B3GALNT1: variants seen among roughly 807,000 people sequenced by gnomAD.
The protein encoded by B3GALNT1 is beta-1,3-N-acetylgalactosaminyltransferase 1 (Globoside blood group).
A neutral mutation model predicts 27.3 loss-of-function variants in B3GALNT1; 17 were observed. That is an observed-to-expected ratio of 0.62 (90% CI 0.43 to 0.94). The LOEUF is 0.94. Ranked by LOEUF, B3GALNT1 falls within the 40% of genes least tolerant of loss-of-function variation. B3GALNT1 has a pLI of 0.00. For missense variants in B3GALNT1, 347 were observed against 390.0 expected (o/e 0.89, Z 0.93); for synonymous variants, 141 against 144.0 (o/e 0.98, Z 0.15).
At position 161,104,351 on chromosome 3, in the gene B3GALNT1, A is replaced by T. The variant is rs906049971; in HGVS notation, c.-253T>A. 1 of 1,289,626 alleles carries T rather than the reference A, an allele frequency of 7.8e-7. No individual in the cohort carries two copies. The highest frequency in any genetic ancestry group is 1.5e-5 in the African/African-American group (1 of 65,842). The allele number at this position is 1,289,626 out of a possible 1,614,324, so 79.9% of individuals were successfully genotyped here. A position where few individuals can be genotyped will look rare whatever the true frequency, so the allele number is the denominator to read the frequency against. On this transcript the variant is annotated 5_prime_UTR_variant, in exon 2 of 5. Transcript: ENST00000320474. ...AACAGAAAAAAAGACATGGTTTGGC[A>T]ATTTCTTCCTTGATAGCTTTTCCCA...
intron 4 of B3GALNT1, among the ~76,000 whole-genome samples, chr3:161,092,326 G>A (rs1015197762): frequency 6.6e-5 from 10 of 152,176 alleles, no homozygotes; most frequent in Admixed American, 3.9e-4. Context: ...GAAATAAAAC[G>A]TTGAGTATAA....
intron 4 of B3GALNT1, among the ~76,000 whole-genome samples, chr3:161,092,141 T>G (rs1725453176): frequency 6.6e-6 from 1 of 152,074 alleles, no homozygotes; most frequent in South Asian, 2.1e-4. Flanking sequence ...CTAATCAAAT[T>G]TTACAAGAAA....
In B3GALNT1 at chr3:161,086,288, G is replaced by T; in HGVS notation, c.467C>A (p.Thr156Asn). ...QDFLDTYNNL[T>N]LKTIMAFRWV... ...CCTGAATGCCATAATGGTTTTCAAG[G>T]TCAGGTTATTATATGTGTCTAAAAA... Residue 156 changes from threonine (T) to asparagine (N), a missense_variant, in exon 5 of 5, where the codon ACC becomes AAC. Coordinates refer to ENST00000320474, the MANE Select transcript of B3GALNT1 (RefSeq NM_003781.4). 6.2e-7 allele frequency: 1 copy of T among 1,614,114 alleles called. No homozygotes were observed. The highest frequency in any genetic ancestry group is 8.5e-7 in the Non-Finnish European group (1 of 1,180,024).
intron 2 of B3GALNT1, 53 bp from the exon 3 acceptor site, chr3:161,103,570 G>A: frequency 1.4e-6 from 1 of 719,422 alleles, no homozygotes; most frequent in Non-Finnish European, 2.0e-6. Context: ...TAGGAATTAT[G>A]ACATCTAAAA....
intron 4 of B3GALNT1, among the ~76,000 whole-genome samples, chr3:161,092,001 T>C (rs1181877838): frequency 5.3e-5 from 8 of 152,102 alleles, no homozygotes; most frequent in Admixed American, 5.2e-4. Flanking sequence ...ACTGAAAAAA[T>C]ATAAACTTTA....
chr3:161,089,569 GAACA>G (rs771680041), intron 4 of B3GALNT1, among the ~76,000 whole-genome samples: 2 of 152,050 alleles, frequency 1.3e-5, no homozygotes, highest in Non-Finnish European at 2.9e-5. Context: ...ATCACTGAAA[GAACA>G]AATATAGAAC....
At chr3:161,103,012 T>C (rs933843965) in intron 3 of B3GALNT1, 2 of 152,202 alleles carry the variant, frequency 1.3e-5, no homozygotes, top group Non-Finnish European at 1.5e-5. Context: ...CCAAATTAAC[T>C]TTTTATAGTT....
Position 161,103,533 on chromosome 3 carries a change from G to C in B3GALNT1, c.-220-16C>G. On this transcript the variant is annotated splice_polypyrimidine_tract_variant and intron_variant, in intron 2 of 4. Coordinates refer to ENST00000320474, the MANE Select transcript of B3GALNT1 (RefSeq NM_003781.4). ...TTGTGAACTACTGAACAGAAGAACA[G>C]AAAAAAATATATATGAGTCATAACA... 1 of 1,064,010 alleles carries C rather than the reference G, an allele frequency of 9.4e-7. No individual in the cohort carries two copies. Among genetic ancestry groups the C allele is most frequent in the Non-Finnish European group, 1.3e-6 (1 of 797,074 alleles). The allele number at this position is 1,064,010 out of a possible 1,614,324, so 65.9% of individuals were successfully genotyped here. A position where few individuals can be genotyped will look rare whatever the true frequency, so the allele number is the denominator to read the frequency against.
intron 4 of B3GALNT1, among the ~76,000 whole-genome samples, chr3:161,095,984 C>T (rs757932574): frequency 6.6e-6 from 1 of 152,206 alleles, no homozygotes; most frequent in Non-Finnish European, 1.5e-5. Flanking sequence ...ACCTTCTCAG[C>T]ATTTAACCCT....
chr3:161,096,061 GGA>G (rs1727984098), intron 4 of B3GALNT1, among the ~76,000 whole-genome samples: 1 of 152,186 alleles, frequency 6.6e-6, no homozygotes, highest in East Asian at 1.9e-4. Context: ...ATATAAGATT[GGA>G]GAGAGGGAAA....
At chr3:161,087,589 C>T in intron 4 of B3GALNT1, among the ~76,000 whole-genome samples, 1 of 152,200 alleles carries the variant, frequency 6.6e-6, no homozygotes, top group East Asian at 1.9e-4. Context: ...AAATCACACA[C>T]CCAATCAGAA....
At chr3:161,090,032 G>A (rs1724178803) in intron 4 of B3GALNT1, 1 of 212,594 alleles carries the variant, frequency 4.7e-6, no homozygotes, top group Non-Finnish European at 1.1e-5. Flanking sequence ...TCCTGCCACT[G>A]TACTCCAGCC....
intron 1 of B3GALNT1, 112 bp from the exon 2 acceptor site, chr3:161,104,518 G>A (rs976604231): frequency 4.7e-6 from 2 of 422,982 alleles, no homozygotes; most frequent in African/African-American, 4.2e-5. Flanking sequence ...CGTACTTGAG[G>A]ATGGCATCAT....
chr3:161,100,360 T>C (rs1047553161), intron 4 of B3GALNT1, among the ~76,000 whole-genome samples: 3 of 152,176 alleles, frequency 2.0e-5, no homozygotes, highest in Non-Finnish European at 4.4e-5. Flanking sequence ...TGAGTATAAA[T>C]ACCTATACTC....
At chr3:161,095,397 C>T (rs772927306) in intron 4 of B3GALNT1, among the ~76,000 whole-genome samples, 8 of 152,166 alleles carry the variant, frequency 5.3e-5, no homozygotes, top group Admixed American at 5.2e-4. Context: ...TAGGCTAAGG[C>T]GAATATCTGG....
At chr3:161,093,244 G>A (rs1726265665) in intron 4 of B3GALNT1, among the ~76,000 whole-genome samples, 2 of 152,130 alleles carry the variant, frequency 1.3e-5, no homozygotes, top group African/African-American at 4.8e-5. Context: ...CTGAATTTCT[G>A]ATTTGACCAT....
rs1256868307 is a variant in B3GALNT1 at position 161,101,126 on chromosome 3, G to A, written c.-35+13C>T. 1.6e-6 allele frequency: 2 copies of A among 1,288,432 alleles called. No homozygotes were observed. The highest frequency in any genetic ancestry group is 5.6e-5 in the East Asian group (1 of 17,994). The allele number at this position is 1,288,432 out of a possible 1,614,324, so 79.8% of individuals were successfully genotyped here. ...TGGGCAGGGAGCAAAGAATGCAGCA[G>A]AAGCAGACACACCTTTACACTCGGG... On this transcript the variant is annotated intron_variant, in intron 4 of 4. Coordinates refer to ENST00000320474, the MANE Select transcript of B3GALNT1 (RefSeq NM_003781.4).
chr3:161,092,707 A>G lies in B3GALNT1; in HGVS notation c.-34-5919T>C, dbSNP rs1725822301. 5.9e-5 allele frequency among the ~76,000 whole-genome samples: 9 copies of G among 151,940 alleles called. No homozygotes were observed. The South Asian group carries it at 1.9e-3, about 32-fold the overall frequency. ...TCCACCCTAAATCTTGACTGCAACA[A>G]TGACTAGTTGTATGACCTTAGGCAT... On this transcript the variant is annotated intron_variant, in intron 4 of 4. Coordinates refer to ENST00000320474, the MANE Select transcript of B3GALNT1 (RefSeq NM_003781.4).
Position 161,084,748 on chromosome 3 carries a change from T to A in B3GALNT1, c.*1011A>T, listed in dbSNP as rs1454389742. On this transcript the variant is annotated 3_prime_UTR_variant, in exon 5 of 5. Coordinates refer to ENST00000320474, the MANE Select transcript of B3GALNT1 (RefSeq NM_003781.4). ...GAAAAAACACAGGGCAGATTAATAA[T>A]GCAACTTGGATCTTCACTCTTCTCT... 2 of 152,186 alleles carry A rather than the reference T, an allele frequency of 1.3e-5. No homozygotes were observed. Among genetic ancestry groups the A allele is most frequent in the African/African-American group, 2.4e-5 (1 of 41,462 alleles). 9.4% of individuals were successfully genotyped at this position (152,186 alleles called of 1,614,324 possible). A position where few individuals can be genotyped will look rare whatever the true frequency, so the allele number is the denominator to read the frequency against.
Sources: allele counts gnomAD v4.1 joint callset (sites outside exome capture counted in the v4.1 genomes callset), GRCh38; gene constraint gnomAD v4.1.1; transcripts MANE v1.5; gene names NCBI Gene and HGNC (gene_info 2026-07-23, HGNC 2026-07-21).